Variants in KAZN observed in about 807,000 individuals in gnomAD.
KAZN encodes kazrin, periplakin interacting protein.
A neutral mutation model predicts 87.4 loss-of-function variants in KAZN; 40 were observed. That is an observed-to-expected ratio of 0.46 (90% CI 0.36 to 0.60). KAZN has a LOEUF of 0.60. Ranked by LOEUF, KAZN falls within the 20% of genes least tolerant of loss-of-function variation. KAZN has a pLI of 0.00. For missense variants in KAZN, 898 were observed against 1,073.9 expected (o/e 0.84, Z 2.29); for synonymous variants, 466 against 458.3 (o/e 1.02, Z -0.22).
chr1:15,066,993 G>A lies in KAZN; in HGVS notation c.1222+1240G>A, dbSNP rs773544129. ...CCTTCTTTGGGTCTGTCTTTTGAGA[G>A]AGGTTGAGTTCAGGGCAAGACAGCC... is the stretch of plus-strand genomic sequence containing the variant. On this transcript the variant is annotated intron_variant, in intron 8 of 14. Transcript: ENST00000376030. This position sits in a 1 kb window ranked among gnomAD's most constrained non-coding sequence, Gnocchi z 4.3. 1.6e-4 allele frequency: 154 copies of A among 985,430 alleles called. No individual in the cohort carries two copies. The highest frequency in any genetic ancestry group is 1.8e-4 in the Non-Finnish European group (150 of 830,026). The allele number at this position is 985,430 out of a possible 1,614,324, so 61.0% of individuals were successfully genotyped here.
intron 2 of KAZN, among the ~76,000 whole-genome samples, chr1:14,393,884 A>G (rs1216809856): frequency 7.3e-5 from 11 of 150,398 alleles, no homozygotes; most frequent in Non-Finnish European, 2.9e-5. Context: ...TTTTACCTGT[A>G]AACTCCCCAG....
intron 2 of KAZN, among the ~76,000 whole-genome samples, chr1:14,393,840 C>T (rs551435038): frequency 3.3e-5 from 3 of 90,148 alleles, no homozygotes; most frequent in Admixed American, 1.4e-4. Context: ...CAGACCCAAT[C>T]TCAAAAAAAA....
chr1:14,307,124 T>A (rs1654985101), intron 2 of KAZN, among the ~76,000 whole-genome samples: 1 of 152,148 alleles, frequency 6.6e-6, no homozygotes, highest in African/African-American at 2.4e-5. Flanking sequence ...CCCTTCGTGG[T>A]CCCACAAGTT....
At chr1:14,028,211 A>C (rs1295958109) in intron 1 of KAZN, among the ~76,000 whole-genome samples, 5 of 128,210 alleles carry the variant, frequency 3.9e-5, no homozygotes, top group African/African-American at 2.9e-5. Context: ...CTGGGAAACT[A>C]CGTAGGTGAG....
chr1:14,645,101 G>C (rs1680712280), intron 1 of KAZN, among the ~76,000 whole-genome samples: 1 of 152,112 alleles, frequency 6.6e-6, no homozygotes, highest in African/African-American at 2.4e-5. Flanking sequence ...GTTGAAGATT[G>C]GGTGGTCTTG....
chr1:14,136,265 C>A (rs908464894), intron 1 of KAZN, among the ~76,000 whole-genome samples: 34 of 152,080 alleles, frequency 2.2e-4, no homozygotes, highest in African/African-American at 8.2e-4. Flanking sequence ...AGCGGATGTC[C>A]TCTGGCTCAC....
intron 1 of KAZN, among the ~76,000 whole-genome samples, chr1:13,912,734 G>C (rs1278735390): frequency 1.3e-5 from 2 of 152,066 alleles, no homozygotes; most frequent in Non-Finnish European, 2.9e-5. Flanking sequence ...CTCCCCAGTA[G>C]CTGGGATTAC....
intron 2 of KAZN, among the ~76,000 whole-genome samples, chr1:14,567,743 C>T (rs906938012): frequency 6.6e-6 from 1 of 152,140 alleles, no homozygotes; most frequent in Non-Finnish European, 1.5e-5. Context: ...TTTGAGTCAA[C>T]CATCTCAGTC....
chr1:14,233,967 C>G (rs1418198042), intron 2 of KAZN, among the ~76,000 whole-genome samples: 1 of 152,184 alleles, frequency 6.6e-6, no homozygotes, highest in African/African-American at 2.4e-5. Flanking sequence ...TAAATTAGTT[C>G]AACCATTGTG....
chr1:14,912,277 T>C (rs1657337644), intron 1 of KAZN, among the ~76,000 whole-genome samples: 1 of 151,994 alleles, frequency 6.6e-6, no homozygotes, highest in South Asian at 2.1e-4. Flanking sequence ...GGTCTCCCAG[T>C]AGTGGGGACT....
At chr1:14,905,389 C>T (rs1051281217) in intron 1 of KAZN, among the ~76,000 whole-genome samples, 3 of 152,212 alleles carry the variant, frequency 2.0e-5, no homozygotes, top group Non-Finnish European at 4.4e-5. Context: ...TAGAAAAACT[C>T]CTGCTGGCTT....
intron 2 of KAZN, among the ~76,000 whole-genome samples, chr1:14,271,581 A>T (rs1343896950): frequency 6.6e-6 from 1 of 152,192 alleles, no homozygotes; most frequent in Non-Finnish European, 1.5e-5. Flanking sequence ...GCCTTATTGT[A>T]TATTCTGTCT....
chr1:14,129,337 T>C (rs1162118088), intron 1 of KAZN, among the ~76,000 whole-genome samples: 1 of 152,248 alleles, frequency 6.6e-6, no homozygotes, highest in African/African-American at 2.4e-5. Context: ...TGTGCCCCTA[T>C]GGAGTGAACA....
intron 2 of KAZN, among the ~76,000 whole-genome samples, chr1:14,532,337 G>A (rs1286043716): frequency 6.6e-6 from 1 of 152,074 alleles, no homozygotes; most frequent in East Asian, 1.9e-4. Context: ...ACTCAGACAG[G>A]CATTGGAGAG....
At chr1:14,512,117 G>C (rs982341690) in intron 2 of KAZN, among the ~76,000 whole-genome samples, 2 of 152,146 alleles carry the variant, frequency 1.3e-5, no homozygotes. Context: ...GATTCATAGA[G>C]TATCTTTCTC....
chr1:15,115,314 G>C lies in KAZN; in HGVS notation c.*679G>C, dbSNP rs1022664229. 1 of 152,280 alleles carries C rather than the reference G, an allele frequency of 6.6e-6. No homozygotes were observed. Among genetic ancestry groups the C allele is most frequent in the African/African-American group, 2.4e-5 (1 of 41,464 alleles). 9.4% of individuals were successfully genotyped at this position (152,280 alleles called of 1,614,324 possible). ...CACCCAGGAGTGGCTACGCTGAGTG[G>C]GGAGCCGGTGAATGATCCGTGCAGG... On this transcript the variant is annotated 3_prime_UTR_variant, in exon 15 of 15. Transcript: ENST00000376030. This position sits in a 1 kb window ranked among gnomAD's most constrained non-coding sequence, Gnocchi z 4.1.
intron 1 of KAZN, among the ~76,000 whole-genome samples, chr1:14,604,057 C>T (rs921601847): frequency 6.6e-5 from 10 of 152,284 alleles, no homozygotes; most frequent in Admixed American, 3.9e-4. Context: ...GAACATTGGT[C>T]CCTGGCTTCT....
intron 1 of KAZN, among the ~76,000 whole-genome samples, chr1:14,035,672 C>A (rs1221591473): frequency 6.8e-6 from 1 of 147,282 alleles, no homozygotes; most frequent in Non-Finnish European, 1.5e-5. Flanking sequence ...GATGGGGTTT[C>A]CCATGTTGCT....
intron 1 of KAZN, among the ~76,000 whole-genome samples, chr1:14,888,715 G>A (rs924075489): frequency 3.9e-5 from 6 of 152,106 alleles, no homozygotes; most frequent in African/African-American, 7.2e-5. Context: ...TTATGCCGCC[G>A]TGACAAATGA....
Sources: gnomAD v4.1 joint callset for allele counts (sites outside exome capture counted in the v4.1 genomes callset) on GRCh38, gnomAD v4.1.1 for gene constraint, Gnocchi (gnomAD v3.1) non-coding constraint, MANE v1.5 for transcripts, NCBI Gene and HGNC (gene_info 2026-07-23, HGNC 2026-07-21) for gene names.